The following METTL15 variants were observed in gnomAD, a reference collection of about 807,000 sequenced individuals.
METTL15 encodes 12S rRNA N(4)-cytidine methyltransferase METTL15.
Under a neutral mutation model 38.3 loss-of-function variants are expected in METTL15, and 34 were observed. That is an observed-to-expected ratio of 0.89 (90% CI 0.68 to 1.18). The LOEUF (loss-of-function observed/expected upper bound fraction) is 1.18. Ranked by LOEUF, METTL15 falls within the 50% of genes most tolerant of loss-of-function variation. METTL15 has a pLI of 0.00. For synonymous variants in METTL15, 162 were observed against 170.9 expected, an observed-to-expected ratio of 0.95 and a Z score of 0.41; for missense variants, 438 against 498.4, an observed-to-expected ratio of 0.88 and a Z score of 1.15.
At chr11:28,208,853 G>C (rs1852492860) in intron 3 of METTL15, among the ~76,000 whole-genome samples, 1 of 151,942 alleles carries the variant, frequency 6.6e-6, no homozygotes, top group Admixed American at 6.6e-5. Flanking sequence ...TGGCTCATGA[G>C]GCCTAGATGT....
intron 3 of METTL15, among the ~76,000 whole-genome samples, chr11:28,204,744 A>G (rs1035784228): frequency 1.3e-5 from 2 of 151,970 alleles, no homozygotes; most frequent in African/African-American, 4.8e-5. Context: ...TGATGATATA[A>G]GGTAATCTTT....
rs1336859780 is a variant in METTL15, at chr11:28,408,706, TACA to T, written c.*359-15589_*359-15587del. Among the ~76,000 whole-genome samples, 7 of 152,176 alleles carry T rather than the reference TACA, an allele frequency of 4.6e-5. No homozygotes were observed. In the East Asian group the frequency reaches 1.2e-3, roughly 25 times the overall value. On this transcript the variant is annotated intron_variant and NMD_transcript_variant, in intron 5 of 7. Coordinates refer to the METTL15 transcript ENST00000532947. ...TAATATTTTACTGACATATGTAATA[TACA>T]ACATTATATTGAGAGCGTCATTTCA...
chr11:28,217,432 G>C (rs1203723775), intron 4 of METTL15, among the ~76,000 whole-genome samples: 1 of 152,082 alleles, frequency 6.6e-6, no homozygotes, highest in Non-Finnish European at 1.5e-5. Context: ...AAATTTGTTG[G>C]AGTTCATTGT....
At chr11:28,439,805 G>A (rs757698085) in intron 6 of METTL15, among the ~76,000 whole-genome samples, 2 of 152,180 alleles carry the variant, frequency 1.3e-5, no homozygotes, top group Non-Finnish European at 2.9e-5. Flanking sequence ...AGCCTAATTG[G>A]TTCTCAATTG....
At position 28,267,183 on chromosome 11, in the gene METTL15, A is replaced by G. The variant is rs1014655555; in HGVS notation, c.408-23023A>G. On this transcript the variant is annotated intron_variant, in intron 4 of 6. Transcript: ENST00000407364. ...CTCAAAAAAAAAAAAAAAAAAAAAA[A>G]GAGTGAAGAATGTACAGTGGCTTCT... Among the ~76,000 whole-genome samples the G allele has an allele frequency of 2.2e-3, 321 of 148,928 alleles. 3 individuals carry two copies. The highest frequency in any genetic ancestry group is 7.2e-3 in the African/African-American group (292 of 40,448).
chr11:28,498,315 C>T (rs1421419288), intron 6 of METTL15, among the ~76,000 whole-genome samples: 8 of 151,972 alleles, frequency 5.3e-5, no homozygotes, highest in Non-Finnish European at 7.4e-5. Flanking sequence ...CCCACCACCA[C>T]GCCCGGCTAA....
At chr11:28,134,954 T>C (rs1849467296) in intron 3 of METTL15, among the ~76,000 whole-genome samples, 3 of 152,168 alleles carry the variant, frequency 2.0e-5, no homozygotes, top group Admixed American at 2.0e-4. Context: ...ACTCTTATCA[T>C]ATGGTAGGAT....
At chr11:28,211,793 TA>T (rs1478296578) in intron 4 of METTL15, among the ~76,000 whole-genome samples, 1 of 152,074 alleles carries the variant, frequency 6.6e-6, no homozygotes, top group Non-Finnish European at 1.5e-5. Context: ...GTATGTTGTT[TA>T]AAGCCATCAT....
At chr11:28,426,502 T>C (rs867318591) in intron 6 of METTL15, among the ~76,000 whole-genome samples, 5 of 152,126 alleles carry the variant, frequency 3.3e-5, no homozygotes, top group African/African-American at 1.2e-4. Flanking sequence ...CTCCACACTG[T>C]CTTCCACAAT....
At chr11:28,361,307 C>G (rs1012774986) in intron 4 of METTL15, among the ~76,000 whole-genome samples, 1 of 151,556 alleles carries the variant, frequency 6.6e-6, no homozygotes, top group Non-Finnish European at 1.5e-5. Flanking sequence ...TTCTCCACAT[C>G]CTCTCCAGCA....
At chr11:28,237,930 C>A (rs2133897396) in intron 4 of METTL15, among the ~76,000 whole-genome samples, 1 of 152,316 alleles carries the variant, frequency 6.6e-6, no homozygotes, top group African/African-American at 2.4e-5. Context: ...TTTTCGTGAT[C>A]CGCAAATGCT....
intron 5 of METTL15, among the ~76,000 whole-genome samples, chr11:28,295,468 A>C (rs1281920075): frequency 6.6e-6 from 1 of 151,930 alleles, no homozygotes. Context: ...GCAGTCCGAC[A>C]TAAAAACAAT....
intron 5 of METTL15, among the ~76,000 whole-genome samples, chr11:28,407,929 G>C (rs1850688261): frequency 6.6e-6 from 1 of 152,108 alleles, no homozygotes. Flanking sequence ...TGATAGACTA[G>C]ATAAAGAAAA....
At chr11:28,277,878 CAG>C (rs1450033865) in intron 4 of METTL15, among the ~76,000 whole-genome samples, 2 of 151,930 alleles carry the variant, frequency 1.3e-5, no homozygotes, top group African/African-American at 4.8e-5. Context: ...GGAAAGATAA[CAG>C]AGACTAGGAA....
intron 3 of METTL15, among the ~76,000 whole-genome samples, chr11:28,129,129 A>G (rs1188048384): frequency 6.6e-6 from 1 of 152,220 alleles, no homozygotes; most frequent in Non-Finnish European, 1.5e-5. Context: ...CATATTCTCA[A>G]GGTTAGCTTA....
At chr11:28,389,447 G>C (rs906714560) in intron 5 of METTL15, among the ~76,000 whole-genome samples, 1 of 133,636 alleles carries the variant, frequency 7.5e-6, no homozygotes, top group Non-Finnish European at 1.5e-5. Flanking sequence ...TGTTCTCATT[G>C]TTCAATTCTC....
intron 6 of METTL15, among the ~76,000 whole-genome samples, chr11:28,465,732 A>G (rs1243205469): frequency 1.3e-5 from 2 of 152,258 alleles, no homozygotes; most frequent in African/African-American, 4.8e-5. Flanking sequence ...TTTATCCTAT[A>G]CTACAGCAAG....
intron 4 of METTL15, among the ~76,000 whole-genome samples, chr11:28,246,271 A>G (rs887936433): frequency 2.0e-5 from 3 of 152,342 alleles, no homozygotes; most frequent in Middle Eastern, 3.4e-3. Flanking sequence ...ATATGAATGT[A>G]TTAAAATATC....
chr11:28,326,636 G>T (rs1216850728), intron 6 of METTL15, among the ~76,000 whole-genome samples: 1 of 151,968 alleles, frequency 6.6e-6, no homozygotes, highest in Non-Finnish European at 1.5e-5. Context: ...GAGTGCAGTG[G>T]TGCAATCATG....
Sources: gnomAD v4.1 joint callset for allele counts (sites outside exome capture counted in the v4.1 genomes callset) on GRCh38, gnomAD v4.1.1 for gene constraint, MANE v1.5 for transcripts, NCBI Gene and HGNC (gene_info 2026-07-23, HGNC 2026-07-21) for gene names.